The following MAD1L1 variants were observed in gnomAD, a reference collection of about 807,000 sequenced individuals.
The protein encoded by MAD1L1 is mitotic arrest deficient 1 like 1, also known as mitotic spindle assembly checkpoint protein MAD1.
MAD1L1 carries 95 observed loss-of-function variants against 96.9 expected under a neutral mutation model. The observed-to-expected ratio is 0.98, with a 90% CI of 0.83 to 1.16. MAD1L1 has a LOEUF of 1.16. MAD1L1 is among the 50% of genes most tolerant of loss of function. The pLI is 0.00. For missense variants in MAD1L1, 1,007 were observed against 954.4 expected, an observed-to-expected ratio of 1.06 and a Z score of -0.73; for synonymous variants, 473 against 396.6, an observed-to-expected ratio of 1.19 and a Z score of -2.29.
chr7:1,828,600 G>C (rs1562433267), intron 18 of MAD1L1, among the ~76,000 whole-genome samples: 1 of 152,192 alleles, frequency 6.6e-6, no homozygotes, highest in Admixed American at 6.5e-5. Flanking sequence ...ACGCTGCCCT[G>C]CTCCCACCTC....
At chr7:1,923,357 G>A (rs1324177609) in intron 17 of MAD1L1, among the ~76,000 whole-genome samples, 2 of 151,608 alleles carry the variant, frequency 1.3e-5, no homozygotes, top group Non-Finnish European at 2.9e-5. Flanking sequence ...CACACAGCTT[G>A]TCAAGAGAAG....
chr7:2,027,630 T>C (rs1783045892), intron 12 of MAD1L1, among the ~76,000 whole-genome samples: 1 of 152,252 alleles, frequency 6.6e-6, no homozygotes, highest in African/African-American at 2.4e-5. Flanking sequence ...GAAAAGGCAT[T>C]TGATTAAAAT....
At chr7:2,163,017 A>G (rs759260853) in intron 10 of MAD1L1, among the ~76,000 whole-genome samples, 7 of 152,154 alleles carry the variant, frequency 4.6e-5, no homozygotes, top group African/African-American at 1.7e-4. Flanking sequence ...TTCAATAGCA[A>G]TTTTTTAGCA....
chr7:1,884,752 C>T (rs1425359935), intron 18 of MAD1L1, among the ~76,000 whole-genome samples: 1 of 152,214 alleles, frequency 6.6e-6, no homozygotes, highest in African/African-American at 2.4e-5. Flanking sequence ...CGCCCTGAGG[C>T]CCCCAGCCCA....
rs1030436778 is a variant in MAD1L1, at chr7:2,011,088, C to T, written c.1359+3414G>A. ...AGGGGGTTCGGGGGGAGCACCTGGG[C>T]TCTGTGGGGTCAGGAGCCCTCCCCG... On this transcript the variant is annotated intron_variant, in intron 13 of 18. Transcript: ENST00000265854. Among the ~76,000 whole-genome samples, 17 of 152,246 alleles carry T rather than the reference C, an allele frequency of 1.1e-4. 1 individual carries two copies. The East Asian group carries it at 3.1e-3, about 28-fold the overall frequency.
chr7:2,007,847 C>T (rs1476825075), intron 13 of MAD1L1, among the ~76,000 whole-genome samples: 5 of 152,174 alleles, frequency 3.3e-5, no homozygotes, highest in South Asian at 2.1e-4. Flanking sequence ...GGTGAACAGA[C>T]GAGACCATTT....
chr7:1,984,170 ATTGT>A (rs1183592140), intron 14 of MAD1L1, among the ~76,000 whole-genome samples: 2 of 152,236 alleles, frequency 1.3e-5, no homozygotes, highest in African/African-American at 4.8e-5. Context: ...TGAACCAAGA[ATTGT>A]TTAAGACACA....
chr7:2,122,370 G>A (rs935024394), intron 11 of MAD1L1, among the ~76,000 whole-genome samples: 6 of 152,216 alleles, frequency 3.9e-5, no homozygotes, highest in African/African-American at 1.4e-4. Context: ...GTTCACGCTT[G>A]TAATCCTAAA....
chr7:1,854,412 C>T (rs899391462), intron 18 of MAD1L1: 1 of 459,272 alleles, frequency 2.2e-6, no homozygotes, highest in Non-Finnish European at 4.4e-6. Flanking sequence ...CTAGGTGGCT[C>T]GTAAACAGAG....
At chr7:1,884,929 C>T (rs2128666414) in intron 18 of MAD1L1, among the ~76,000 whole-genome samples, 2 of 152,316 alleles carry the variant, frequency 1.3e-5, no homozygotes, top group East Asian at 1.9e-4. Context: ...TGGTGGTGCG[C>T]ACCCCTCACG....
chr7:1,890,765 T>G (rs1786488540), intron 18 of MAD1L1, among the ~76,000 whole-genome samples: 1 of 152,152 alleles, frequency 6.6e-6, no homozygotes, highest in South Asian at 2.1e-4. Flanking sequence ...GAAGGGGTGC[T>G]CACGGGCCCC....
intron 13 of MAD1L1, among the ~76,000 whole-genome samples, chr7:2,009,125 C>T (rs553506915): frequency 2.6e-5 from 4 of 152,316 alleles, no homozygotes; most frequent in South Asian, 4.1e-4. Context: ...CCACGTGTCC[C>T]GGGTGGCTAC....
intron 11 of MAD1L1, among the ~76,000 whole-genome samples, chr7:2,069,629 G>A (rs1199558899): frequency 2.0e-5 from 3 of 152,258 alleles, no homozygotes; most frequent in African/African-American, 7.2e-5. Flanking sequence ...CAGGAGACGG[G>A]ACTTCTGAAT....
chr7:2,078,684 T>C (rs1023858512), intron 11 of MAD1L1, among the ~76,000 whole-genome samples: 6 of 152,170 alleles, frequency 3.9e-5, no homozygotes, highest in South Asian at 2.1e-4. Flanking sequence ...GTACATGACC[T>C]CGTTTAGTCT....
intron 12 of MAD1L1, among the ~76,000 whole-genome samples, chr7:2,063,207 G>A (rs1784738581): frequency 1.3e-5 from 2 of 152,190 alleles, no homozygotes; most frequent in African/African-American, 4.8e-5. Flanking sequence ...CACGAGAACA[G>A]TGAAAAGAAA....
chr7:2,046,771 T>C (rs1783940635), intron 12 of MAD1L1, among the ~76,000 whole-genome samples: 1 of 152,182 alleles, frequency 6.6e-6, no homozygotes, highest in South Asian at 2.1e-4. Context: ...CCAGACCATC[T>C]GTCCCCACTG....
At chr7:2,006,032 G>A (rs762022637) in intron 13 of MAD1L1, among the ~76,000 whole-genome samples, 13 of 152,006 alleles carry the variant, frequency 8.6e-5, no homozygotes, top group Non-Finnish European at 1.6e-4. Context: ...AGATGGGGGA[G>A]CGGCAGGGAG....
intron 7 of MAD1L1, 73 bp from the exon 8 acceptor site, chr7:2,216,360 C>G (rs1217799670): frequency 6.7e-7 from 1 of 1,491,204 alleles, no homozygotes; most frequent in African/African-American, 1.4e-5. Flanking sequence ...CACACGCACA[C>G]GGCTAAGAGA....
intron 13 of MAD1L1, among the ~76,000 whole-genome samples, chr7:2,005,164 T>TC (rs936787296): frequency 2.6e-5 from 4 of 151,778 alleles, no homozygotes; most frequent in Non-Finnish European, 5.9e-5. Flanking sequence ...AGCTGAGTGC[T>TC]CCCCAGGAGG....
Sources: allele counts gnomAD v4.1 joint callset (sites outside exome capture counted in the v4.1 genomes callset), GRCh38; gene constraint gnomAD v4.1.1; transcripts MANE v1.5; gene names NCBI Gene and HGNC (gene_info 2026-07-23, HGNC 2026-07-21).